The following ADAMTS5 variants were observed in gnomAD, a reference collection of about 807,000 sequenced individuals.
The protein encoded by ADAMTS5 is A disintegrin and metalloproteinase with thrombospondin motifs 5.
ADAMTS5 carries 54 observed loss-of-function variants against 81.4 expected under a neutral mutation model. The observed-to-expected ratio is 0.66, with a 90% CI of 0.53 to 0.83. The LOEUF (loss-of-function observed/expected upper bound fraction) is 0.83, where lower values mean the gene tolerates loss of function less well. Among genes scored for constraint, ADAMTS5 ranks in the 40% least tolerant of loss-of-function variants. The pLI is 0.00. For missense variants in ADAMTS5, 1,194 were observed against 1,229.9 expected, an observed-to-expected ratio of 0.97 and a Z score of 0.44; for synonymous variants, 532 against 508.8, an observed-to-expected ratio of 1.05 and a Z score of -0.61.
intron 6 of ADAMTS5, among the ~76,000 whole-genome samples, chr21:26,931,695 T>A (rs961423703): frequency 6.6e-6 from 1 of 152,242 alleles, no homozygotes; most frequent in Non-Finnish European, 1.5e-5. Flanking sequence ...GAAATACTAG[T>A]TGTTTTCATG....
At chr21:26,932,311 C>T in intron 5 of ADAMTS5, 132 bp from the exon 6 acceptor site, 1 of 864,084 alleles carries the variant, frequency 1.2e-6, no homozygotes, top group South Asian at 2.0e-5. Context: ...CTTTACTCAC[C>T]AATGCTGATG....
chr21:26,952,735 C>T (rs1987345525), intron 2 of ADAMTS5, among the ~76,000 whole-genome samples: 1 of 152,196 alleles, frequency 6.6e-6, no homozygotes, highest in South Asian at 2.1e-4. Flanking sequence ...CTGCTTATTC[C>T]CCATAATTTC....
chr21:26,966,655 A>AT lies in ADAMTS5; in HGVS notation c.-265dup, dbSNP rs1027080437. On this transcript the variant is annotated 5_prime_UTR_variant, in exon 1 of 8. Coordinates refer to ENST00000284987, the MANE Select transcript of ADAMTS5 (RefSeq NM_007038.5). ...GGGTGGGGGGGGGGGGAAAGAAAAG[A>AT]TTAAAAAAAAAAAGTCGGATAGTGG... The AT allele has an allele frequency of 1.2e-5, 3 of 253,174 alleles. No homozygotes were observed. Among genetic ancestry groups the AT allele is most frequent in the African/African-American group, 7.2e-5 (3 of 41,472 alleles). 15.7% of individuals were successfully genotyped at this position (253,174 alleles called of 1,614,324 possible).
At chr21:26,938,773 G>A (rs1348229817) in intron 3 of ADAMTS5, among the ~76,000 whole-genome samples, 1 of 152,104 alleles carries the variant, frequency 6.6e-6, no homozygotes, top group African/African-American at 2.4e-5. Context: ...CAGGTGATCC[G>A]CCCACCTTGG....
In ADAMTS5 at chr21:26,965,679, A is replaced by G. The variant is rs749422469; in HGVS notation, c.713T>C (p.Leu238Pro). The change falls in exon 1 of 8, where the codon CTC (leucine) becomes CCC (proline). Residue 238 changes from leucine to proline, a missense_variant. Around this residue, in one of 2 missense-constraint regions of ADAMTS5, gnomAD observed 498 missense variants for 412.3 expected, o/e 1.21. Coordinates refer to ENST00000284987, the MANE Select transcript of ADAMTS5 (RefSeq NM_007038.5). The part of the protein sequence containing the change: ...PSGRAALASQ[L>P]LDQSALSPAG... ...GGGCGAGAGAGCGGACTGGTCCAAGAGCTGCGAGGCCAGTGCTGCGCGTCC... is the reference window on the plus strand; with the variant it reads ...GGGCGAGAGAGCGGACTGGTCCAAGGGCTGCGAGGCCAGTGCTGCGCGTCC... 6.3e-7 allele frequency: 1 copy of G among 1,586,572 alleles called. No homozygotes were observed. Among genetic ancestry groups the G allele is most frequent in the Non-Finnish European group, 8.6e-7 (1 of 1,168,952 alleles).
intron 1 of ADAMTS5, among the ~76,000 whole-genome samples, chr21:26,956,491 A>C (rs555129093): frequency 3.6e-4 from 55 of 152,298 alleles, no homozygotes; most frequent in African/African-American, 1.2e-3. Context: ...GTAGTTTTTC[A>C]AATTGAAATT....
chr21:26,966,475 T>C lies in ADAMTS5; in HGVS notation c.-84A>G. The C allele has an allele frequency of 7.8e-7, 1 of 1,282,594 alleles. No individual in the cohort carries two copies. The highest frequency in any genetic ancestry group is 1.0e-6 in the Non-Finnish European group (1 of 1,001,996). The allele number at this position is 1,282,594 out of a possible 1,614,324, so 79.5% of individuals were successfully genotyped here. On this transcript the variant is annotated 5_prime_UTR_variant, in exon 1 of 8. Transcript: ENST00000284987. ...GCTATGAAGTTAACGGGGCGGGGGATGGGGACACACACACACTTGCTTGCA... is the reference window on the plus strand; with the variant it reads ...GCTATGAAGTTAACGGGGCGGGGGACGGGGACACACACACACTTGCTTGCA...
intron 7 of ADAMTS5, among the ~76,000 whole-genome samples, chr21:26,925,067 T>A (rs189142162): frequency 5.3e-5 from 8 of 152,288 alleles, no homozygotes; most frequent in African/African-American, 1.9e-4. Flanking sequence ...GCTTCCACAT[T>A]AGAATCACGT....
At chr21:26,926,420 C>T (rs999681283) in intron 7 of ADAMTS5, among the ~76,000 whole-genome samples, 1 of 152,194 alleles carries the variant, frequency 6.6e-6, no homozygotes, top group Non-Finnish European at 1.5e-5. Context: ...CACCTGTAAT[C>T]CCAGCACTTT....
Position 26,921,613 on chromosome 21 carries a change from C to G in ADAMTS5, c.*2440G>C, listed in dbSNP as rs986806267. 2 of 152,416 alleles carry G rather than the reference C, an allele frequency of 1.3e-5. No homozygotes were observed. The highest frequency in any genetic ancestry group is 2.9e-5 in the Non-Finnish European group (2 of 67,918). The allele number at this position is 152,416 out of a possible 1,614,324, so 9.4% of individuals were successfully genotyped here. A position where few individuals can be genotyped will look rare whatever the true frequency, so the allele number is the denominator to read the frequency against. On this transcript the variant is annotated 3_prime_UTR_variant, in exon 8 of 8. Coordinates refer to ENST00000284987, the MANE Select transcript of ADAMTS5 (RefSeq NM_007038.5). ...TCCCTTTGTTCACAATTCGTGGTAT[C>G]TATTGAACACTCCATTTCTCTGAAT...
chr21:26,921,708 T>TATATCCCCAGG lies in ADAMTS5; in HGVS notation c.*2344_*2345insCCTGGGGATAT, dbSNP rs1986701056. The TATATCCCCAGG allele has an allele frequency of 1.3e-5, 2 of 152,480 alleles. No homozygotes were observed. The highest frequency in any genetic ancestry group is 4.8e-5 in the African/African-American group (2 of 41,440). 9.4% of individuals were successfully genotyped at this position (152,480 alleles called of 1,614,324 possible). On this transcript the variant is annotated 3_prime_UTR_variant, in exon 8 of 8. Transcript: ENST00000284987. ...CATTCCTCAGTCAATCTAGTGAGACTCATAAGAAAAAGGTGGAGAAAACTA... is the reference window on the plus strand; with the variant it reads ...CATTCCTCAGTCAATCTAGTGAGACTATATCCCCAGGCATAAGAAAAAGGTGGAGAAAACTA...
intron 3 of ADAMTS5, among the ~76,000 whole-genome samples, chr21:26,942,013 AT>A (rs989233703): frequency 8.0e-4 from 120 of 150,212 alleles, no homozygotes; most frequent in African/African-American, 2.6e-3. Context: ...AATTATTGAC[AT>A]ATTTTTTCAA....
intron 1 of ADAMTS5, among the ~76,000 whole-genome samples, chr21:26,956,588 T>C (rs1417994991): frequency 6.6e-6 from 1 of 152,196 alleles, no homozygotes; most frequent in Non-Finnish European, 1.5e-5. Context: ...ATCATTTCAC[T>C]ATCTCTAGGA....
chr21:26,938,159 G>A (rs758983331), intron 3 of ADAMTS5, among the ~76,000 whole-genome samples: 7 of 151,796 alleles, frequency 4.6e-5, no homozygotes, highest in Non-Finnish European at 1.0e-4. Context: ...CAGGAGAATC[G>A]CTTGAACCTG....
intron 2 of ADAMTS5, among the ~76,000 whole-genome samples, chr21:26,953,457 G>A (rs1987359774): frequency 6.6e-6 from 1 of 152,066 alleles, no homozygotes; most frequent in South Asian, 2.1e-4. Flanking sequence ...GTTTTACTGC[G>A]GCAATATTGT....
chr21:26,919,382 A>G lies in ADAMTS5; in HGVS notation c.*4671T>C, dbSNP rs1986645454. ...ATGGTCCAGTTAGTTGAAGCCACAAAATAAAGACCAGAGACAGCAAAATTA... is the reference window on the plus strand; with the variant it reads ...ATGGTCCAGTTAGTTGAAGCCACAAGATAAAGACCAGAGACAGCAAAATTA... On this transcript the variant is annotated 3_prime_UTR_variant, in exon 8 of 8. Transcript: ENST00000284987. 6.6e-6 allele frequency: 1 copy of G among 151,954 alleles called. No homozygotes were observed. The highest frequency in any genetic ancestry group is 6.6e-5 in the Admixed American group (1 of 15,236). 9.4% of individuals were successfully genotyped at this position (151,954 alleles called of 1,614,324 possible). A position where few individuals can be genotyped will look rare whatever the true frequency, so the allele number is the denominator to read the frequency against.
chr21:26,919,000 T>A lies in ADAMTS5; in HGVS notation c.*5053A>T, dbSNP rs1353521515. ...TGTTGGTCAAAACAATCATTGGATG[T>A]GCTTATTTTTCAAATTTTGAGTATC... On this transcript the variant is annotated 3_prime_UTR_variant, in exon 8 of 8. Transcript: ENST00000284987. 1 of 151,986 alleles carries A rather than the reference T, an allele frequency of 6.6e-6. No homozygotes were observed. The highest frequency in any genetic ancestry group is 1.9e-4 in the East Asian group (1 of 5,186). 9.4% of individuals were successfully genotyped at this position (151,986 alleles called of 1,614,324 possible).
At chr21:26,952,863 T>C (rs1331235234) in intron 2 of ADAMTS5, among the ~76,000 whole-genome samples, 1 of 152,248 alleles carries the variant, frequency 6.6e-6, no homozygotes, top group Non-Finnish European at 1.5e-5. Flanking sequence ...AAAAGTCTCC[T>C]CTATTTAATT....
intron 2 of ADAMTS5, among the ~76,000 whole-genome samples, chr21:26,947,434 T>C (rs1801885044): frequency 6.6e-6 from 1 of 151,910 alleles, no homozygotes; most frequent in African/African-American, 2.4e-5. Flanking sequence ...TTTCTTTTTC[T>C]TTTTCTTTTT....
Sources: allele counts gnomAD v4.1 joint callset (sites outside exome capture counted in the v4.1 genomes callset), GRCh38; gene constraint gnomAD v4.1.1; regional missense constraint gnomAD v4.1.1; transcripts MANE v1.5; gene names NCBI Gene and HGNC (gene_info 2026-07-23, HGNC 2026-07-21).